Variants in ARHGEF26 observed in about 807,000 individuals in gnomAD.
ARHGEF26 encodes Rho guanine nucleotide exchange factor 26, also known as Rho guanine nucleotide exchange factor (GEF) 26.
In ARHGEF26, 59 loss-of-function variants were observed where a neutral mutation model predicts 89.4. That is an observed-to-expected ratio of 0.66 (90% confidence interval 0.54 to 0.82). The LOEUF is 0.82. Ranked by LOEUF, ARHGEF26 falls within the 40% of genes least tolerant of loss-of-function variation. The pLI is 0.00. For synonymous variants in ARHGEF26, 500 were observed against 428.4 expected (o/e 1.17, Z -2.06); for missense variants, 1,234 against 1,085.6 (o/e 1.14, Z -1.92).
chr3:154,256,068 C>G lies in ARHGEF26; in HGVS notation c.*595C>G, dbSNP rs959946926. 49 of 985,260 alleles carry G rather than the reference C, an allele frequency of 5.0e-5. No individual in the cohort carries two copies. The highest frequency in any genetic ancestry group is 5.5e-5 in the Non-Finnish European group (46 of 829,758). 61.0% of individuals were successfully genotyped at this position (985,260 alleles called of 1,614,324 possible). ...CACTTGAATTTTTGTCACCTTTTTCCTCATTAGAAGGAAAGTAGAAAGCCT... is the reference window on the plus strand; with the variant it reads ...CACTTGAATTTTTGTCACCTTTTTCGTCATTAGAAGGAAAGTAGAAAGCCT... On this transcript the variant is annotated 3_prime_UTR_variant, in exon 15 of 15. Coordinates refer to ENST00000465093, the MANE Select transcript of ARHGEF26 (RefSeq NM_015595.4).
chr3:154,127,869 T>C (rs543014853), intron 3 of ARHGEF26, among the ~76,000 whole-genome samples: 9 of 152,240 alleles, frequency 5.9e-5, no homozygotes, highest in Non-Finnish European at 1.3e-4. Context: ...TTATAACATA[T>C]GGGACCACCG....
intron 8 of ARHGEF26, among the ~76,000 whole-genome samples, chr3:154,193,919 C>T (rs1366548245): frequency 1.3e-5 from 2 of 151,902 alleles, no homozygotes; most frequent in Non-Finnish European, 2.9e-5. Flanking sequence ...GCTGCAACCT[C>T]CACCTCCCAG....
At chr3:154,187,622 AATCTGTT>A (rs2108177557) in intron 6 of ARHGEF26, 56 bp from the exon 7 acceptor site, 1 of 1,384,220 alleles carries the variant, frequency 7.2e-7, no homozygotes, top group East Asian at 2.4e-5. Flanking sequence ...ACATGAGGCT[AATCTGTT>A]ATCTGTTAGA....
At chr3:154,250,402 C>T (rs1718067697) in intron 12 of ARHGEF26, among the ~76,000 whole-genome samples, 1 of 152,130 alleles carries the variant, frequency 6.6e-6, no homozygotes, top group Non-Finnish European at 1.5e-5. Context: ...GTGGGACTCA[C>T]TCAATTGAAA....
At chr3:154,192,447 TTG>T (rs1235729164) in intron 8 of ARHGEF26, among the ~76,000 whole-genome samples, 1 of 152,252 alleles carries the variant, frequency 6.6e-6, no homozygotes, top group African/African-American at 2.4e-5. Context: ...TGGAGACGTT[TTG>T]TCAGGTATTT....
At chr3:154,135,888 C>T (rs1718972258) in intron 4 of ARHGEF26, among the ~76,000 whole-genome samples, 1 of 152,172 alleles carries the variant, frequency 6.6e-6, no homozygotes, top group African/African-American at 2.4e-5. Context: ...AGATCATGTA[C>T]TATGCATGTA....
chr3:154,132,818 G>A (rs182777517), intron 4 of ARHGEF26, among the ~76,000 whole-genome samples: 129 of 151,990 alleles, frequency 8.5e-4, no homozygotes, highest in African/African-American at 2.8e-3. Flanking sequence ...CATCATCTAC[G>A]TATATAAAAT....
In ARHGEF26 at chr3:154,122,083, G is replaced by C. The variant is rs375842704; in HGVS notation, c.91G>C (p.Gly31Arg). ...GATTCCTCAGCCCCACCAGGTTCTG[G>C]GCCGGAGCAAGCCGAGGCCCCAGTC... ...RSIPQPHQVL[G>R]RSKPRPQSYQ... The change falls in exon 2 of 15, where the codon GGC becomes CGC. Residue 31 changes from glycine to arginine, a missense_variant. By Grantham distance (125) the Gly-to-Arg change is moderately radical. Coordinates refer to ENST00000465093, the MANE Select transcript of ARHGEF26 (RefSeq NM_015595.4). 1 of 1,612,050 alleles carries C rather than the reference G, an allele frequency of 6.2e-7. No homozygotes were observed.
rs1328252815 is a variant in ARHGEF26 at position 154,122,990 on chromosome 3, C to T, written c.998C>T (p.Ser333Leu). 6.8e-6 allele frequency: 11 copies of T among 1,613,610 alleles called. No homozygotes were observed. Among genetic ancestry groups the T allele is most frequent in the Non-Finnish European group, 8.5e-6 (10 of 1,179,840 alleles). ...SGFDFDSPTS[S>L]KKKNRMSQPV... Reference sequence around the variant, plus strand: ...TTTGATTTTGACAGTCCTACCAGCTCGAAGAAGAAGAACAGAATGTCCCAG... The same window carrying T: ...TTTGATTTTGACAGTCCTACCAGCTTGAAGAAGAAGAACAGAATGTCCCAG... The change falls in exon 2 of 15, where the codon TCG becomes TTG. Residue 333 changes from serine (S) to leucine (L), a missense_variant. Physicochemically the swap from Ser to Leu is moderately radical, Grantham distance 145. Transcript: ENST00000465093.
intron 6 of ARHGEF26, among the ~76,000 whole-genome samples, chr3:154,186,763 GAAGA>G (rs778655122): frequency 2.0e-5 from 3 of 150,354 alleles, no homozygotes; most frequent in Non-Finnish European, 3.0e-5. Context: ...CCCTTTCTCA[GAAGA>G]AAGAAAGAAA....
At chr3:154,152,282 A>T (rs1720068932) in intron 5 of ARHGEF26, among the ~76,000 whole-genome samples, 1 of 152,234 alleles carries the variant, frequency 6.6e-6, no homozygotes, top group Non-Finnish European at 1.5e-5. Flanking sequence ...CAGATTAAGC[A>T]TAGGGAGAGG....
At chr3:154,203,810 G>C (rs1463336662) in intron 9 of ARHGEF26, among the ~76,000 whole-genome samples, 1 of 149,444 alleles carries the variant, frequency 6.7e-6, no homozygotes, top group Admixed American at 6.7e-5. Flanking sequence ...AACCATCCTT[G>C]CATCCCAGGG....
intron 4 of ARHGEF26, among the ~76,000 whole-genome samples, chr3:154,138,189 AT>A: frequency 6.6e-6 from 1 of 152,300 alleles, no homozygotes; most frequent in Middle Eastern, 3.4e-3. Context: ...TCTAATAAAA[AT>A]TATGAGCCAT....
chr3:154,133,620 T>A (rs1718819344), intron 4 of ARHGEF26, among the ~76,000 whole-genome samples: 1 of 151,978 alleles, frequency 6.6e-6, no homozygotes. Flanking sequence ...AGCCCTGTAG[T>A]GTAGTTTGAA....
At chr3:154,169,143 G>A (rs959627569) in intron 6 of ARHGEF26, among the ~76,000 whole-genome samples, 2 of 152,060 alleles carry the variant, frequency 1.3e-5, no homozygotes, top group African/African-American at 4.8e-5. Flanking sequence ...AGTCACCCAA[G>A]CACTCGGAGT....
intron 3 of ARHGEF26, among the ~76,000 whole-genome samples, chr3:154,125,432 T>C (rs939031461): frequency 6.6e-6 from 1 of 152,180 alleles, no homozygotes; most frequent in Non-Finnish European, 1.5e-5. Flanking sequence ...AATTTTATAA[T>C]TGAGGAAACC....
chr3:154,221,873 G>A (rs978095515), intron 10 of ARHGEF26, among the ~76,000 whole-genome samples: 1 of 152,182 alleles, frequency 6.6e-6, no homozygotes, highest in African/African-American at 2.4e-5. Context: ...AGGAAATTCA[G>A]GAGGAGGAAC....
intron 6 of ARHGEF26, among the ~76,000 whole-genome samples, chr3:154,155,027 C>T (rs1286153056): frequency 6.6e-6 from 1 of 151,904 alleles, no homozygotes; most frequent in African/African-American, 2.4e-5. Context: ...TTTTGCAGTA[C>T]CACCAAGAAT....
rs529030658 is a variant in ARHGEF26, at chr3:154,201,338, A to C, written c.1845+6620A>C. Among the ~76,000 whole-genome samples the C allele has an allele frequency of 3.6e-3, 552 of 152,108 alleles. 4 individuals carry two copies. Among genetic ancestry groups the C allele is most frequent in the African/African-American group, 0.013 (519 of 41,496 alleles). ...TCCCTACAAAGGACATGAACTCATCATTTTTTATGGCTGCATGGTATTCCA... is the reference window on the plus strand; with the variant it reads ...TCCCTACAAAGGACATGAACTCATCCTTTTTTATGGCTGCATGGTATTCCA... On this transcript the variant is annotated intron_variant, in intron 9 of 14. Transcript: ENST00000465093.
Sources: allele counts gnomAD v4.1 joint callset (sites outside exome capture counted in the v4.1 genomes callset), GRCh38; gene constraint gnomAD v4.1.1; transcripts MANE v1.5; gene names NCBI Gene and HGNC (gene_info 2026-07-23, HGNC 2026-07-21).